Variants in NHSL2 observed in about 807,000 individuals in gnomAD.
NHSL2 encodes NHS-like protein 2.
Under a neutral mutation model 53.4 loss-of-function variants are expected in NHSL2, and 27 were observed. The ratio of observed to expected loss-of-function variants is 0.51; its 90% confidence interval spans 0.37 to 0.70. NHSL2 has a LOEUF of 0.70. NHSL2 is among the 30% of genes least tolerant of loss of function. The probability of loss-of-function intolerance (pLI) is 0.00; values close to 1 mark genes in which losing one functional copy is unlikely to be tolerated. For missense variants in NHSL2, 892 were observed against 980.1 expected (o/e 0.91, Z 1.20); for synonymous variants, 408 against 404.1 (o/e 1.01, Z -0.12).
chrX:71,936,021 G>A (rs894475073), intron 1 of NHSL2, among the ~76,000 whole-genome samples: 3 of 112,050 alleles, frequency 2.7e-5, no homozygotes, highest in Admixed American at 9.4e-5. Context: ...AGTGTTTTGC[G>A]GAGGTAAAGG....
Position 72,132,045 on chromosome X carries a change from G to T in NHSL2, c.281-34G>T, listed in dbSNP as rs911709852. 2.6e-6 allele frequency: 3 copies of T among 1,159,997 alleles called. No individual in the cohort carries two copies. In the African/African-American group the frequency reaches 5.4e-5, roughly 21 times the overall value. ...GCCGCGCGCCGCTCCCCTCCAGCTC[G>T]CCTGCGCCTCTCACTGACTCTCTCC... On this transcript the variant is annotated intron_variant, in intron 1 of 7. Coordinates refer to ENST00000633930, the MANE Select transcript of NHSL2 (RefSeq NM_001013627.3).
chrX:72,052,212 G>A (rs7059711), intron 1 of NHSL2, among the ~76,000 whole-genome samples: 9,532 of 111,655 alleles, frequency 0.085, 591 homozygotes, highest in African/African-American at 0.21. Context: ...CACTTCCAAT[G>A]TGATGGGGTG....
intron 1 of NHSL2, among the ~76,000 whole-genome samples, chrX:72,062,747 A>G (rs1363072308): frequency 8.9e-6 from 1 of 112,408 alleles, no homozygotes; most frequent in African/African-American, 3.2e-5. Context: ...AGGGGGAGGT[A>G]TGTGGGAAAG....
intron 5 of NHSL2, 24 bp from the exon 6 acceptor site, chrX:72,138,417 A>G (rs987952644): frequency 3.6e-6 from 4 of 1,108,890 alleles, no homozygotes; most frequent in Non-Finnish European, 4.8e-6. Flanking sequence ...TGTAGCACTC[A>G]TGTCCTGTGT....
chrX:72,138,883 TGA>T lies in NHSL2; in HGVS notation c.1336_1337del (p.Asp446Ter). 8.3e-7 allele frequency: 1 copy of T among 1,210,767 alleles called. No homozygotes were observed. The highest frequency in any genetic ancestry group is 1.1e-6 in the Non-Finnish European group (1 of 894,595). On this transcript the variant is annotated frameshift_variant, in exon 6 of 8. Coordinates refer to ENST00000633930, the MANE Select transcript of NHSL2 (RefSeq NM_001013627.3). LOFTEE classifies it high-confidence loss of function. ...KEAATLLVARDNPAGCSGSAG... is the reference protein window; with the variant it reads ...KEAATLLVARXNPAGCSGSAG... Reference sequence around the variant, plus strand: ...AGGCTGCTACCCTCCTTGTCGCTCGTGATAACCCAGCAGGATGCAGTGGGTCA... The same window carrying T: ...AGGCTGCTACCCTCCTTGTCGCTCGTTAACCCAGCAGGATGCAGTGGGTCA...
intron 1 of NHSL2, among the ~76,000 whole-genome samples, chrX:71,991,500 A>G (rs985751716): frequency 8.0e-4 from 90 of 113,078 alleles, no homozygotes; most frequent in African/African-American, 2.5e-3. Flanking sequence ...AGGCCACCAA[A>G]GAACAGTGGA....
intron 1 of NHSL2, among the ~76,000 whole-genome samples, chrX:72,011,086 A>C (rs2042113527): frequency 8.9e-6 from 1 of 112,343 alleles, no homozygotes; most frequent in African/African-American, 3.2e-5. Flanking sequence ...AGATCCATCC[A>C]GGTTGTTGCG....
chrX:72,039,901 G>T (rs2042264106), intron 1 of NHSL2, among the ~76,000 whole-genome samples: 1 of 111,778 alleles, frequency 8.9e-6, no homozygotes, highest in Non-Finnish European at 1.9e-5. Context: ...CATTTATTGA[G>T]CTCTACTCTG....
At chrX:72,140,821 G>T in intron 6 of NHSL2, 50 bp downstream of exon 6, 2 of 1,006,117 alleles carry the variant, frequency 2.0e-6, no homozygotes, top group Non-Finnish European at 2.7e-6. Context: ...GAGAGATGAG[G>T]GTGAGAATGG....
At chrX:71,925,763 T>C (rs2041681740) in intron 1 of NHSL2, among the ~76,000 whole-genome samples, 1 of 112,358 alleles carries the variant, frequency 8.9e-6, no homozygotes, top group Admixed American at 9.4e-5. Context: ...ATGAAATAGT[T>C]ACCATTATTA....
At chrX:71,998,534 G>T (rs1195332217) in intron 1 of NHSL2, among the ~76,000 whole-genome samples, 1 of 111,719 alleles carries the variant, frequency 9.0e-6, no homozygotes, top group African/African-American at 3.3e-5. Flanking sequence ...CCTAAGGCAG[G>T]GGTAAGCTGC....
intron 1 of NHSL2, among the ~76,000 whole-genome samples, chrX:72,015,845 T>C (rs2042133462): frequency 8.9e-6 from 1 of 112,676 alleles, no homozygotes; most frequent in South Asian, 3.6e-4. Context: ...TTTACCTTTT[T>C]ATTGATTTAC....
intron 1 of NHSL2, among the ~76,000 whole-genome samples, chrX:72,115,323 A>T (rs2042127460): frequency 9.4e-6 from 1 of 106,442 alleles, no homozygotes; most frequent in Admixed American, 1.0e-4. Flanking sequence ...GACTCAGTTG[A>T]TGCAACCTAA....
chrX:72,011,984 G>A (rs2042117901), intron 1 of NHSL2, among the ~76,000 whole-genome samples: 1 of 111,337 alleles, frequency 9.0e-6, no homozygotes, highest in African/African-American at 3.3e-5. Flanking sequence ...TTTAACTGTC[G>A]AGTTTTGACA....
chrX:71,965,717 A>C (rs1233131765), intron 1 of NHSL2, among the ~76,000 whole-genome samples: 1 of 112,240 alleles, frequency 8.9e-6, no homozygotes, highest in Non-Finnish European at 1.9e-5. Context: ...CATCTTGACA[A>C]TGTTGAGTTT....
chrX:72,103,651 T>C (rs1187060212), intron 1 of NHSL2, among the ~76,000 whole-genome samples: 1 of 112,360 alleles, frequency 8.9e-6, no homozygotes, highest in Non-Finnish European at 1.9e-5. Context: ...TACAACTAGC[T>C]TGATGGCTGT....
chrX:72,132,331 TAA>T, intron 2 of NHSL2, 97 bp downstream of exon 2: 2 of 798,808 alleles, frequency 2.5e-6, no homozygotes, highest in Non-Finnish European at 3.5e-6. Context: ...ACCAGCAAGA[TAA>T]AGACAGAGAG....
At chrX:72,069,605 GAGGAGT>G (rs1192737035) in intron 1 of NHSL2, 2 of 732,822 alleles carry the variant, frequency 2.7e-6, no homozygotes, top group East Asian at 4.3e-5. Context: ...GGAGGAGGAG[GAGGAGT>G]AGGAGGAGGA....
intron 1 of NHSL2, chrX:72,129,960 G>A (rs1602391856): frequency 8.3e-7 from 1 of 1,211,548 alleles, no homozygotes; most frequent in East Asian, 3.0e-5. Context: ...GTTGGGGGGA[G>A]CTGTAGAATG....
Sources: allele counts gnomAD v4.1 joint callset (sites outside exome capture counted in the v4.1 genomes callset), GRCh38; gene constraint gnomAD v4.1.1; transcripts MANE v1.5; gene names NCBI Gene and HGNC (gene_info 2026-07-23, HGNC 2026-07-21).